GRIN2A: variants seen among roughly 807,000 people sequenced by gnomAD.
GRIN2A encodes glutamate ionotropic receptor NMDA type subunit 2A, also known as glutamate receptor ionotropic, NMDA 2A.
Under a neutral mutation model 113.4 loss-of-function variants are expected in GRIN2A, and 22 were observed. The observed-to-expected ratio is 0.19, with a 90% CI of 0.14 to 0.28. GRIN2A has a LOEUF of 0.28. GRIN2A is among the 10% of genes least tolerant of loss of function. The pLI, the probability that GRIN2A is intolerant of heterozygous loss-of-function variation, is 1.00. For synonymous variants in GRIN2A, 827 were observed against 738.4 expected (o/e 1.12, Z -1.94); for missense variants, 1,502 against 1,887.0 (o/e 0.80, Z 3.78).
At chr16:9,950,977 T>G (rs924631431) in intron 2 of GRIN2A, among the ~76,000 whole-genome samples, 1 of 152,180 alleles carries the variant, frequency 6.6e-6, no homozygotes, top group African/African-American at 2.4e-5. Flanking sequence ...CAAAACTAAT[T>G]AATTTAAATT....
At chr16:9,864,425 T>C (rs1277936785) in intron 4 of GRIN2A, among the ~76,000 whole-genome samples, 4 of 136,164 alleles carry the variant, frequency 2.9e-5, no homozygotes, top group Non-Finnish European at 6.4e-5. Context: ...TCTTACTCTA[T>C]GGCAAGTTTT....
chr16:9,821,141 GTTAT>G (rs956088649), intron 10 of GRIN2A, among the ~76,000 whole-genome samples: 5 of 151,982 alleles, frequency 3.3e-5, no homozygotes, highest in African/African-American at 1.2e-4. Context: ...CGAAAAGGAG[GTTAT>G]TTATTAAGCC....
intron 3 of GRIN2A, among the ~76,000 whole-genome samples, chr16:9,913,585 G>T (rs9936753): frequency 2.3e-4 from 35 of 152,238 alleles, no homozygotes; most frequent in African/African-American, 8.4e-4. Flanking sequence ...ATAAGTTATC[G>T]CATTTTATAC....
At chr16:9,936,954 T>G (rs937807961) in intron 3 of GRIN2A, among the ~76,000 whole-genome samples, 1 of 152,144 alleles carries the variant, frequency 6.6e-6, no homozygotes, top group Non-Finnish European at 1.5e-5. Flanking sequence ...CATTTAAAAA[T>G]GCACATGAAT....
chr16:9,816,018 A>G (rs142697812), intron 10 of GRIN2A, among the ~76,000 whole-genome samples: 67 of 152,368 alleles, frequency 4.4e-4, no homozygotes, highest in Non-Finnish European at 7.4e-4. Context: ...AAAAAGACAA[A>G]TACCGTATGA....
chr16:10,136,468 A>G (rs981279817), intron 2 of GRIN2A, among the ~76,000 whole-genome samples: 9 of 152,206 alleles, frequency 5.9e-5, no homozygotes, highest in African/African-American at 2.2e-4. Flanking sequence ...AGGATGCAAG[A>G]GGCATTTGGC....
At chr16:9,988,612 CTTCCATA>C (rs1217820608) in intron 2 of GRIN2A, among the ~76,000 whole-genome samples, 2 of 152,044 alleles carry the variant, frequency 1.3e-5, no homozygotes, top group East Asian at 3.9e-4. Context: ...CAAAGAGCAT[CTTCCATA>C]TGCCAGGCTG....
intron 4 of GRIN2A, among the ~76,000 whole-genome samples, chr16:9,881,352 A>G (rs2043476843): frequency 6.6e-6 from 1 of 152,248 alleles, no homozygotes; most frequent in South Asian, 2.1e-4. Flanking sequence ...AGAAGCAAGA[A>G]TCTTGATAAC....
intron 2 of GRIN2A, among the ~76,000 whole-genome samples, chr16:9,971,540 T>C (rs1163434253): frequency 2.0e-5 from 3 of 152,204 alleles, no homozygotes; most frequent in Non-Finnish European, 2.9e-5. Context: ...ATAAAATGAT[T>C]CTTGTTTCTA....
intron 2 of GRIN2A, among the ~76,000 whole-genome samples, chr16:10,140,613 G>T (rs549488118): frequency 6.6e-6 from 1 of 152,150 alleles, no homozygotes; most frequent in Non-Finnish European, 1.5e-5. Context: ...ATTCCATGTA[G>T]CTCAAGTGGG....
intron 11 of GRIN2A, among the ~76,000 whole-genome samples, chr16:9,783,026 C>T (rs1399862663): frequency 6.6e-6 from 1 of 152,122 alleles, no homozygotes. Flanking sequence ...AAATGGTTTG[C>T]CCTAGACAGT....
intron 3 of GRIN2A, among the ~76,000 whole-genome samples, chr16:9,892,567 T>C (rs2043715746): frequency 6.6e-6 from 1 of 152,352 alleles, no homozygotes; most frequent in African/African-American, 2.4e-5. Flanking sequence ...ATCTACCTTA[T>C]ATAACATGTA....
chr16:10,007,660 T>A (rs964487747), intron 2 of GRIN2A, among the ~76,000 whole-genome samples: 2 of 152,156 alleles, frequency 1.3e-5, no homozygotes, highest in African/African-American at 4.8e-5. Context: ...TTTGCTTTGG[T>A]TGCCTGTGCT....
intron 2 of GRIN2A, among the ~76,000 whole-genome samples, chr16:10,115,818 CTT>C (rs139000682): frequency 6.6e-6 from 1 of 151,416 alleles, no homozygotes; most frequent in Non-Finnish European, 1.5e-5. Flanking sequence ...TTACTCAGGA[CTT>C]TTTTTTTGTT....
At chr16:10,046,139 C>A (rs1490294736) in intron 2 of GRIN2A, among the ~76,000 whole-genome samples, 1 of 152,034 alleles carries the variant, frequency 6.6e-6, no homozygotes, top group African/African-American at 2.4e-5. Context: ...GGGGTGAGCA[C>A]GTGATCCAGT....
At chr16:9,837,240 G>A (rs2042596665) in intron 7 of GRIN2A, among the ~76,000 whole-genome samples, 1 of 152,152 alleles carries the variant, frequency 6.6e-6, no homozygotes, top group South Asian at 2.1e-4. Flanking sequence ...GTAATTTAGT[G>A]ACTAGGAAAA....
intron 4 of GRIN2A, among the ~76,000 whole-genome samples, chr16:9,860,563 T>C (rs1223685251): frequency 6.6e-6 from 1 of 151,932 alleles, no homozygotes; most frequent in Non-Finnish European, 1.5e-5. Flanking sequence ...GATGAGGACT[T>C]ACTGAAGACC....
chr16:9,914,834 C>T (rs1371928540), intron 3 of GRIN2A, among the ~76,000 whole-genome samples: 1 of 142,174 alleles, frequency 7.0e-6, no homozygotes, highest in Admixed American at 7.5e-5. Context: ...GCAGAAGAGC[C>T]AACAGCAACA....
chr16:10,068,195 C>G (rs2047684748), intron 2 of GRIN2A, among the ~76,000 whole-genome samples: 1 of 152,248 alleles, frequency 6.6e-6, no homozygotes, highest in Non-Finnish European at 1.5e-5. Flanking sequence ...AGTGTCTACT[C>G]TGAGCCTGGA....
Sources: allele counts gnomAD v4.1 joint callset (sites outside exome capture counted in the v4.1 genomes callset), GRCh38; gene constraint gnomAD v4.1.1; transcripts MANE v1.5; gene names NCBI Gene and HGNC (gene_info 2026-07-23, HGNC 2026-07-21).